Variants in DLG1 observed in about 807,000 individuals in gnomAD.
DLG1 encodes the protein disks large homolog 1.
In DLG1, 42 loss-of-function variants were observed where a neutral mutation model predicts 123.4. The observed-to-expected ratio is 0.34, with a 90% CI of 0.27 to 0.44. The LOEUF (loss-of-function observed/expected upper bound fraction) is 0.44. Among genes scored for constraint, DLG1 ranks in the 20% least tolerant of loss-of-function variants. The probability of loss-of-function intolerance (pLI) is 1.00; values close to 1 mark genes in which losing one functional copy is unlikely to be tolerated. For synonymous variants in DLG1, 317 were observed against 356.2 expected (o/e 0.89, Z 1.24); for missense variants, 942 against 1,082.6 (o/e 0.87, Z 1.82).
At chr3:197,139,566 T>C (rs1414709822) in intron 8 of DLG1, among the ~76,000 whole-genome samples, 1 of 152,178 alleles carries the variant, frequency 6.6e-6, no homozygotes, top group African/African-American at 2.4e-5. Flanking sequence ...TTGCAAAATA[T>C]ATCTTCCAAA....
At chr3:197,172,251 C>T (rs1258036417) in intron 5 of DLG1, among the ~76,000 whole-genome samples, 1 of 151,974 alleles carries the variant, frequency 6.6e-6, no homozygotes, top group African/African-American at 2.4e-5. Context: ...TACCTCACTG[C>T]CAGTTGTACA....
chr3:197,100,252 G>A (rs550463555), intron 14 of DLG1, among the ~76,000 whole-genome samples: 2 of 152,284 alleles, frequency 1.3e-5, no homozygotes, highest in Admixed American at 6.5e-5. Context: ...GTTGGTATAA[G>A]AAGTAATAAT....
At chr3:197,196,655 C>T (rs1367349030) in intron 4 of DLG1, among the ~76,000 whole-genome samples, 1 of 152,142 alleles carries the variant, frequency 6.6e-6, no homozygotes, top group African/African-American at 2.4e-5. Flanking sequence ...TATCAATCAA[C>T]TAACAAAATG....
At chr3:197,188,674 T>C (rs1056371424) in intron 5 of DLG1, among the ~76,000 whole-genome samples, 1 of 152,206 alleles carries the variant, frequency 6.6e-6, no homozygotes, top group African/African-American at 2.4e-5. Flanking sequence ...GCGTAACAGC[T>C]GTTCACTCCA....
At chr3:197,089,181 C>T (rs983987239) in intron 15 of DLG1, among the ~76,000 whole-genome samples, 1 of 152,150 alleles carries the variant, frequency 6.6e-6, no homozygotes, top group African/African-American at 2.4e-5. Context: ...AAACTAGGGG[C>T]TGGTGCCGGT....
At chr3:197,104,752 G>A in intron 14 of DLG1, 151 bp downstream of exon 14, 1 of 621,704 alleles carries the variant, frequency 1.6e-6, no homozygotes, top group Non-Finnish European at 2.8e-6. Flanking sequence ...AAAGAACTAG[G>A]TTCAGACTAA....
At chr3:197,134,958 T>C (rs1349960011) in intron 10 of DLG1, among the ~76,000 whole-genome samples, 2 of 152,226 alleles carry the variant, frequency 1.3e-5, no homozygotes, top group Admixed American at 1.3e-4. Flanking sequence ...TTCTTTTCTC[T>C]GGATGGCTGG....
At chr3:197,071,982 A>G (rs1560470867) in intron 18 of DLG1, among the ~76,000 whole-genome samples, 1 of 152,234 alleles carries the variant, frequency 6.6e-6, no homozygotes, top group Non-Finnish European at 1.5e-5. Flanking sequence ...CATGTATAAG[A>G]ATGTTCAAAG....
chr3:197,070,226 TTTTTA>T (rs1158666596), intron 18 of DLG1: 9 of 149,924 alleles, frequency 6.0e-5, no homozygotes, highest in South Asian at 2.1e-4. Flanking sequence ...GAAATCTGAA[TTTTTA>T]TTTTAACTTT....
At chr3:197,115,806 A>G (rs1772968350) in intron 13 of DLG1, 121 bp downstream of exon 13, 1 of 953,228 alleles carries the variant, frequency 1.0e-6, no homozygotes, top group Admixed American at 2.9e-5. Flanking sequence ...TAAGCTGTAA[A>G]ATGTTAAGAA....
chr3:197,200,147 T>C (rs530272299), intron 4 of DLG1, among the ~76,000 whole-genome samples: 1 of 152,306 alleles, frequency 6.6e-6, no homozygotes, highest in Non-Finnish European at 1.5e-5. Flanking sequence ...ATTATGGAAA[T>C]GATGCAGATT....
intron 4 of DLG1, among the ~76,000 whole-genome samples, chr3:197,252,924 T>C (rs1049182871): frequency 6.6e-5 from 10 of 152,154 alleles, no homozygotes; most frequent in South Asian, 4.1e-4. Context: ...TTGTATGTTA[T>C]GTATATTTTA....
rs144745122 is a variant in DLG1, at chr3:197,076,295, T to C, written c.2005+291A>G. Reference sequence around the variant, plus strand: ...CTAAAATATTCTTTGAATGTATGAATGTGTTTTTCATAAAAATCTTTCCTT... The same window carrying C: ...CTAAAATATTCTTTGAATGTATGAACGTGTTTTTCATAAAAATCTTTCCTT... On this transcript the variant is annotated intron_variant, in intron 18 of 24. Coordinates refer to ENST00000667157, the MANE Select transcript of DLG1 (RefSeq NM_001366207.1). 4.3e-3 allele frequency among the ~76,000 whole-genome samples: 653 copies of C among 152,348 alleles called. 3 individuals carry two copies. Among genetic ancestry groups the C allele is most frequent in the Non-Finnish European group, 5.7e-3 (390 of 68,032 alleles).
At chr3:197,195,030 A>G (rs937119499) in intron 4 of DLG1, among the ~76,000 whole-genome samples, 12 of 149,530 alleles carry the variant, frequency 8.0e-5, no homozygotes, top group African/African-American at 2.4e-4. Flanking sequence ...TTTTTATTTT[A>G]ACTATAATCT....
chr3:197,247,281 A>G (rs528929093), intron 4 of DLG1, among the ~76,000 whole-genome samples: 2 of 152,280 alleles, frequency 1.3e-5, no homozygotes, highest in South Asian at 4.1e-4. Flanking sequence ...GCGTGTGGTT[A>G]GGGAGGCCAG....
intron 4 of DLG1, among the ~76,000 whole-genome samples, chr3:197,202,127 T>A (rs1726079545): frequency 6.6e-6 from 1 of 152,178 alleles, no homozygotes. Flanking sequence ...CCTGCACTTG[T>A]ACCCCACGAT....
At chr3:197,288,743 A>AATACATACAAACATACATAC (rs1773298671) in intron 3 of DLG1, among the ~76,000 whole-genome samples, 1 of 72,078 alleles carries the variant, frequency 1.4e-5, no homozygotes, top group Admixed American at 1.7e-4. Context: ...AAAAAAAAAA[A>AATACATACAAACATACATAC]ATACATACAT....
At chr3:197,138,190 A>C in intron 9 of DLG1, 32 bp downstream of exon 9, 1 of 1,353,068 alleles carries the variant, frequency 7.4e-7, no homozygotes, top group African/African-American at 1.5e-5. Flanking sequence ...GAGATTTCTT[A>C]AAGATTTATC....
intron 5 of DLG1, among the ~76,000 whole-genome samples, chr3:197,184,591 C>T (rs540604060): frequency 6.6e-6 from 1 of 152,240 alleles, no homozygotes; most frequent in South Asian, 2.1e-4. Context: ...AACTGGGTCT[C>T]AAGGTAGATT....
Sources: gnomAD v4.1 joint callset for allele counts (sites outside exome capture counted in the v4.1 genomes callset) on GRCh38, gnomAD v4.1.1 for gene constraint, MANE v1.5 for transcripts, NCBI Gene and HGNC (gene_info 2026-07-23, HGNC 2026-07-21) for gene names.